Variants in RAPGEF4 observed in about 807,000 individuals in gnomAD.
The protein encoded by RAPGEF4 is RAP guanine-nucleotide-exchange factor (GEF) 4.
RAPGEF4 carries 66 observed loss-of-function variants against 147.9 expected under a neutral mutation model. That is an observed-to-expected ratio of 0.45 (90% CI 0.37 to 0.55). RAPGEF4 has a LOEUF of 0.55. Ranked by LOEUF, RAPGEF4 falls within the 20% of genes least tolerant of loss-of-function variation. RAPGEF4 has a pLI of 0.00. For synonymous variants in RAPGEF4, 419 were observed against 442.7 expected, an observed-to-expected ratio of 0.95 and a Z score of 0.67; for missense variants, 1,071 against 1,257.3, an observed-to-expected ratio of 0.85 and a Z score of 2.24.
At chr2:172,820,267 C>A (rs1326519255) in intron 4 of RAPGEF4, among the ~76,000 whole-genome samples, 1 of 152,156 alleles carries the variant, frequency 6.6e-6, no homozygotes, top group East Asian at 1.9e-4. Context: ...TAGTGGTTAC[C>A]ACCTCTTTAC....
At chr2:172,806,021 G>C (rs1312833935) in intron 3 of RAPGEF4, among the ~76,000 whole-genome samples, 903 of 17,978 alleles carry the variant, frequency 0.05, 5 homozygotes, top group East Asian at 0.33. Flanking sequence ...CCGGCTGTGT[G>C]TGTGTGTGTG....
At chr2:172,897,477 C>T (rs920768109) in intron 4 of RAPGEF4, among the ~76,000 whole-genome samples, 1 of 152,102 alleles carries the variant, frequency 6.6e-6, no homozygotes, top group African/African-American at 2.4e-5. Context: ...TGGCTTACGG[C>T]AGCCTTGACC....
intron 17 of RAPGEF4, among the ~76,000 whole-genome samples, chr2:173,009,347 A>T (rs1694792505): frequency 6.6e-6 from 1 of 152,212 alleles, no homozygotes; most frequent in South Asian, 2.1e-4. Context: ...TAATCAGTTG[A>T]TTAAAAAATA....
chr2:172,832,652 A>C (rs13404217), intron 4 of RAPGEF4, among the ~76,000 whole-genome samples: 29,590 of 152,232 alleles, frequency 0.19, 3,544 homozygotes, highest in Middle Eastern at 0.31. Context: ...ACATGTGTAT[A>C]TATTTCATTC....
rs182062862 is a variant in RAPGEF4 at position 172,903,827 on chromosome 2, A to G, written c.445-13975A>G. On this transcript the variant is annotated intron_variant, in intron 4 of 30. Coordinates refer to ENST00000397081, the MANE Select transcript of RAPGEF4 (RefSeq NM_007023.4). ...AGAAATGCAAAGTGCCTCTGCCCCAATGGCTTCACATGTTGAGGGACAAAG... is the reference window on the plus strand; with the variant it reads ...AGAAATGCAAAGTGCCTCTGCCCCAGTGGCTTCACATGTTGAGGGACAAAG... Among the ~76,000 whole-genome samples the G allele has an allele frequency of 2.5e-3, 386 of 152,290 alleles. 3 individuals are homozygous for G. Among genetic ancestry groups the G allele is most frequent in the Non-Finnish European group, 3.6e-3 (245 of 68,018 alleles).
chr2:172,931,182 G>GT (rs1685914568), intron 6 of RAPGEF4, among the ~76,000 whole-genome samples: 1 of 101,974 alleles, frequency 9.8e-6, no homozygotes, highest in East Asian at 3.8e-4. Context: ...TGGGGGGGGG[G>GT]GGCGCTGGGG....
At chr2:172,884,415 T>G (rs1235654649) in intron 4 of RAPGEF4, among the ~76,000 whole-genome samples, 1 of 152,206 alleles carries the variant, frequency 6.6e-6, no homozygotes, top group Non-Finnish European at 1.5e-5. Context: ...CTGTTTGGAC[T>G]AACATTTGCA....
chr2:172,834,199 T>C (rs966636660), intron 4 of RAPGEF4, among the ~76,000 whole-genome samples: 5 of 152,230 alleles, frequency 3.3e-5, no homozygotes, highest in Non-Finnish European at 5.9e-5. Context: ...ATACTTTCAA[T>C]TGGAGTTTCT....
chr2:172,776,639 C>T (rs1036593422), intron 1 of RAPGEF4, among the ~76,000 whole-genome samples: 9 of 152,032 alleles, frequency 5.9e-5, no homozygotes, highest in Non-Finnish European at 1.2e-4. Context: ...TTTCTTTTCT[C>T]TGTGCTTTAC....
rs1038510464 is a variant in RAPGEF4, at chr2:173,017,056, T to A, written c.1899-118T>A. 14 of 977,094 alleles carry A rather than the reference T, an allele frequency of 1.4e-5. No individual in the cohort carries two copies. In the African/African-American group the frequency reaches 2.3e-4, roughly 16 times the overall value. The allele number at this position is 977,094 out of a possible 1,614,324, so 60.5% of individuals were successfully genotyped here. A position where few individuals can be genotyped will look rare whatever the true frequency, so the allele number is the denominator to read the frequency against. ...TTAAAATGAGGAAGCTCATATTGTCTCCTGAAAGGATTCTGTGATTGTGAT... is the reference window on the plus strand; with the variant it reads ...TTAAAATGAGGAAGCTCATATTGTCACCTGAAAGGATTCTGTGATTGTGAT... On this transcript the variant is annotated intron_variant, in intron 19 of 30. Coordinates refer to ENST00000397081, the MANE Select transcript of RAPGEF4 (RefSeq NM_007023.4).
rs1178375348 is a variant in RAPGEF4 at position 172,990,827 on chromosome 2, A to C, written c.1392A>C (p.Thr464=). ...NRILRDVEAN[T]VRLKEHDQDV... ...ATTTGCAGGACGTGGAGGCGAATACAGTCAGACTTAAAGAACATGACCAAG... is the reference window on the plus strand; with the variant it reads ...ATTTGCAGGACGTGGAGGCGAATACCGTCAGACTTAAAGAACATGACCAAG... The change falls in exon 15 of 31, where the codon ACA becomes ACC. Residue 464 remains threonine (T), a synonymous_variant. Coordinates refer to ENST00000397081, the MANE Select transcript of RAPGEF4 (RefSeq NM_007023.4). The C allele has an allele frequency of 6.8e-6, 11 of 1,613,706 alleles. No homozygotes were observed. The highest frequency in any genetic ancestry group is 1.7e-5 in the Admixed American group (1 of 59,976).
intron 1 of RAPGEF4, among the ~76,000 whole-genome samples, chr2:172,764,623 C>T (rs889479826): frequency 1.3e-5 from 2 of 152,104 alleles, no homozygotes; most frequent in African/African-American, 4.8e-5. Flanking sequence ...GTTTGGATGC[C>T]CGTGGAGAGA....
chr2:172,961,346 G>A, intron 8 of RAPGEF4, 118 bp downstream of exon 8: 2 of 737,068 alleles, frequency 2.7e-6, no homozygotes, highest in East Asian at 5.0e-5. Context: ...ATGCCTTCAG[G>A]TTCTGGAAGG....
chr2:172,950,712 A>G (rs1305004202), intron 6 of RAPGEF4, among the ~76,000 whole-genome samples: 3 of 152,342 alleles, frequency 2.0e-5, no homozygotes, highest in East Asian at 1.9e-4. Context: ...TAAGTATTTG[A>G]TTTTCCTGTA....
chr2:172,818,611 G>A (rs1278093352), intron 4 of RAPGEF4, among the ~76,000 whole-genome samples: 1 of 152,164 alleles, frequency 6.6e-6, no homozygotes, highest in Non-Finnish European at 1.5e-5. Context: ...TTGTCTCCTT[G>A]TAGGTACTCT....
At chr2:172,956,914 G>A (rs953552383) in intron 6 of RAPGEF4, among the ~76,000 whole-genome samples, 9 of 152,220 alleles carry the variant, frequency 5.9e-5, no homozygotes, top group Admixed American at 2.6e-4. Flanking sequence ...GAGCTTGGAT[G>A]CAATTTTCTC....
chr2:173,039,741 G>A (rs967741226), intron 29 of RAPGEF4, among the ~76,000 whole-genome samples: 5 of 152,148 alleles, frequency 3.3e-5, no homozygotes, highest in African/African-American at 9.7e-5. Context: ...CTTATTTGAA[G>A]TATTCATATA....
At chr2:172,761,299 A>G (rs1172792849) in intron 1 of RAPGEF4, among the ~76,000 whole-genome samples, 2 of 151,652 alleles carry the variant, frequency 1.3e-5, no homozygotes, top group East Asian at 1.9e-4. Context: ...CTAATTTTGT[A>G]TTTTTAGTAC....
intron 4 of RAPGEF4, among the ~76,000 whole-genome samples, chr2:172,859,368 CTGATA>C (rs1455337171): frequency 3.3e-5 from 5 of 152,230 alleles, no homozygotes; most frequent in Admixed American, 6.5e-5. Flanking sequence ...AAAATGTACT[CTGATA>C]TATTTCCTCT....
Sources: gnomAD v4.1 joint callset for allele counts (sites outside exome capture counted in the v4.1 genomes callset) on GRCh38, gnomAD v4.1.1 for gene constraint, MANE v1.5 for transcripts, NCBI Gene and HGNC (gene_info 2026-07-23, HGNC 2026-07-21) for gene names.